The following STPG2 variants were observed in gnomAD, a reference collection of about 807,000 sequenced individuals.
STPG2 encodes the protein sperm tail PG-rich repeat containing 2.
In STPG2, 56 loss-of-function variants were observed where a neutral mutation model predicts 54.2. That is an observed-to-expected ratio of 1.03 (90% CI 0.83 to 1.29). The LOEUF (loss-of-function observed/expected upper bound fraction) is 1.29, where lower values mean the gene tolerates loss of function less well. Among genes scored for constraint, STPG2 ranks in the 50% most tolerant of loss-of-function variants. The pLI, the probability that STPG2 is intolerant of heterozygous loss-of-function variation, is 0.00. For synonymous variants in STPG2, 200 were observed against 181.8 expected (o/e 1.10, Z -0.81); for missense variants, 596 against 544.9 (o/e 1.09, Z -0.93).
chr4:97,739,208 A>G (rs1454921467), intron 9 of STPG2, among the ~76,000 whole-genome samples: 2 of 152,316 alleles, frequency 1.3e-5, no homozygotes, highest in Admixed American at 1.3e-4. Flanking sequence ...GGACACATTC[A>G]AAGCAGTGTG....
At chr4:97,743,608 A>T (rs555908628) in intron 9 of STPG2, among the ~76,000 whole-genome samples, 80 of 151,838 alleles carry the variant, frequency 5.3e-4, no homozygotes, top group Non-Finnish European at 5.2e-4. Context: ...TGTTCAATAA[A>T]GCAGAATTTA....
chr4:97,915,984 G>T (rs1252940545), intron 8 of STPG2, among the ~76,000 whole-genome samples: 1 of 152,136 alleles, frequency 6.6e-6, no homozygotes, highest in East Asian at 1.9e-4. Context: ...TAGTCAGAAT[G>T]GAAAAGAGGA....
intron 10 of STPG2, among the ~76,000 whole-genome samples, chr4:97,711,866 C>T (rs1192268186): frequency 6.6e-6 from 1 of 151,798 alleles, no homozygotes; most frequent in African/African-American, 2.4e-5. Flanking sequence ...GACAGGGTTT[C>T]ATCATGTTGG....
At chr4:97,916,047 T>A (rs1477249134) in intron 8 of STPG2, among the ~76,000 whole-genome samples, 1 of 152,194 alleles carries the variant, frequency 6.6e-6, no homozygotes. Flanking sequence ...CGGCAATCAC[T>A]GCATTTCATA....
At chr4:97,906,639 C>A (rs9684844) in intron 8 of STPG2, among the ~76,000 whole-genome samples, 10,777 of 152,028 alleles carry the variant, frequency 0.071, 554 homozygotes, top group Non-Finnish European at 0.11. Context: ...CAAACCGAAT[C>A]CAGCAGCACA....
At chr4:97,912,415 A>G (rs1179072991) in intron 8 of STPG2, among the ~76,000 whole-genome samples, 1 of 152,244 alleles carries the variant, frequency 6.6e-6, no homozygotes, top group African/African-American at 2.4e-5. Flanking sequence ...AGAAGCTAAC[A>G]ATCAAGATAA....
intron 9 of STPG2, among the ~76,000 whole-genome samples, chr4:97,835,890 A>C (rs1475246714): frequency 2.0e-5 from 3 of 152,074 alleles, no homozygotes; most frequent in Non-Finnish European, 4.4e-5. Flanking sequence ...GGAAACAGCA[A>C]AATAACTAGA....
At chr4:97,841,074 A>G in intron 8 of STPG2, 142 bp from the exon 9 acceptor site, 1 of 866,572 alleles carries the variant, frequency 1.2e-6, no homozygotes, top group Non-Finnish European at 1.7e-6. Flanking sequence ...TAGAAACTTA[A>G]AAAGGAATTC....
chr4:97,778,406 G>A (rs1045116659), intron 9 of STPG2, among the ~76,000 whole-genome samples: 2 of 152,180 alleles, frequency 1.3e-5, no homozygotes, highest in Non-Finnish European at 1.5e-5. Flanking sequence ...CAACATTGCT[G>A]AGGCTTGAGT....
chr4:97,648,258 T>A (rs1721968808), intron 10 of STPG2, among the ~76,000 whole-genome samples: 2 of 152,186 alleles, frequency 1.3e-5, no homozygotes, highest in Non-Finnish European at 2.9e-5. Flanking sequence ...ATGAAGCATG[T>A]GCTTTCCACT....
intron 8 of STPG2, among the ~76,000 whole-genome samples, chr4:97,863,233 A>G (rs1333152991): frequency 6.6e-6 from 1 of 152,186 alleles, no homozygotes; most frequent in Non-Finnish European, 1.5e-5. Context: ...GAGAAGAATC[A>G]AACACATGTA....
At chr4:97,968,972 C>A (rs1466231327) in intron 7 of STPG2, among the ~76,000 whole-genome samples, 1 of 152,106 alleles carries the variant, frequency 6.6e-6, no homozygotes, top group Non-Finnish European at 1.5e-5. Flanking sequence ...AGCAAAGGTT[C>A]ATAGCTCTGG....
intron 10 of STPG2, among the ~76,000 whole-genome samples, chr4:97,587,693 T>G (rs1445994879): frequency 6.6e-6 from 1 of 151,990 alleles, no homozygotes; most frequent in Non-Finnish European, 1.5e-5. Flanking sequence ...TGTCTTAAAT[T>G]TCTGTTTCAT....
At chr4:97,703,298 G>C (rs567678625) in intron 10 of STPG2, among the ~76,000 whole-genome samples, 5 of 150,872 alleles carry the variant, frequency 3.3e-5, no homozygotes, top group African/African-American at 1.2e-4. Context: ...ACCAGCAAAA[G>C]AACTCGATCC....
At chr4:98,047,221 C>G (rs1485313106) in intron 5 of STPG2, among the ~76,000 whole-genome samples, 1 of 152,178 alleles carries the variant, frequency 6.6e-6, no homozygotes, top group Non-Finnish European at 1.5e-5. Context: ...AGTAGCCAGC[C>G]CCTCAAGTAG....
chr4:97,835,337 G>GA (rs1293314737), intron 9 of STPG2, among the ~76,000 whole-genome samples: 3 of 152,086 alleles, frequency 2.0e-5, no homozygotes, highest in African/African-American at 7.2e-5. Context: ...AGAAATGCCA[G>GA]AAAACGCATG....
At chr4:97,839,476 T>C (rs1330716030) in intron 9 of STPG2, among the ~76,000 whole-genome samples, 1 of 151,596 alleles carries the variant, frequency 6.6e-6, no homozygotes, top group Admixed American at 6.6e-5. Context: ...ATAATTTACT[T>C]CATAAGACCC....
chr4:97,831,563 C>CA (rs1239940692), intron 9 of STPG2, among the ~76,000 whole-genome samples: 4 of 151,960 alleles, frequency 2.6e-5, no homozygotes, highest in Admixed American at 6.6e-5. Context: ...AAAAACCTTT[C>CA]AAAAAATCAA....
chr4:97,666,128 C>G (rs576075990), intron 10 of STPG2, among the ~76,000 whole-genome samples: 1 of 152,298 alleles, frequency 6.6e-6, no homozygotes, highest in South Asian at 2.1e-4. Context: ...CCCAGATCCA[C>G]AGCCATAGCT....
Sources: allele counts gnomAD v4.1 joint callset (sites outside exome capture counted in the v4.1 genomes callset), GRCh38; gene constraint gnomAD v4.1.1; transcripts MANE v1.5; gene names NCBI Gene and HGNC (gene_info 2026-07-23, HGNC 2026-07-21).